CCBE1: variants seen among roughly 807,000 people sequenced by gnomAD.
CCBE1 encodes collagen and calcium-binding EGF domain-containing protein 1.
In CCBE1, 37 loss-of-function variants were observed where a neutral mutation model predicts 50.0. The ratio of observed to expected loss-of-function variants is 0.74; its 90% CI spans 0.57 to 0.97. The LOEUF (loss-of-function observed/expected upper bound fraction) is 0.97. Ranked by LOEUF, CCBE1 falls within the 50% of genes least tolerant of loss-of-function variation. CCBE1 has a pLI of 0.00. For missense variants in CCBE1, 538 were observed against 523.8 expected (o/e 1.03, Z -0.26); for synonymous variants, 234 against 203.7 (o/e 1.15, Z -1.27).
chr18:59,590,735 A>G (rs1599041067), intron 2 of CCBE1, among the ~76,000 whole-genome samples: 4 of 152,246 alleles, frequency 2.6e-5, no homozygotes, highest in African/African-American at 9.6e-5. Flanking sequence ...AATTTTGTAT[A>G]TGAAACATGG....
chr18:59,436,120 A>G lies in CCBE1; in HGVS notation c.1009T>C (p.Phe337Leu). The G allele has an allele frequency of 5.0e-6, 8 of 1,614,216 alleles. No individual in the cohort carries two copies. Among genetic ancestry groups the G allele is most frequent in the Non-Finnish European group, 5.9e-6 (7 of 1,180,042 alleles). ...ATGTCAGCCAGCATAAGTAGCAGGAAGTCGAAAGAACCAGGGGGTCCCTGT... is the reference window on the plus strand; with the variant it reads ...ATGTCAGCCAGCATAAGTAGCAGGAGGTCGAAAGAACCAGGGGGTCCCTGT... ...GSPGPPGSFD[F>L]LLLMLADIRN... Residue 337 changes from phenylalanine (F) to leucine (L), a missense_variant, in exon 11 of 11, where the codon TTC (phenylalanine) becomes CTC (leucine). Physicochemically the swap from Phe to Leu is conservative, Grantham distance 22 (BLOSUM62 0). Transcript: ENST00000439986.
Position 59,462,936 on chromosome 18 carries a change from T to C in CCBE1, c.553+3803A>G, listed in dbSNP as rs74528035. ...TACTAGAGAAGATACCAAAAAACAA[T>C]GTAAAATAGATCCTCTAATATTACT... On this transcript the variant is annotated intron_variant, in intron 5 of 10. Transcript: ENST00000439986. 3.9e-5 allele frequency among the ~76,000 whole-genome samples: 6 copies of C among 152,342 alleles called. No homozygotes were observed. In the East Asian group the frequency reaches 1.2e-3, roughly 29 times the overall value.
intron 2 of CCBE1, among the ~76,000 whole-genome samples, chr18:59,657,889 A>AAACAACAAC (rs142001390): frequency 6.8e-6 from 1 of 146,230 alleles, no homozygotes; most frequent in Non-Finnish European, 1.5e-5. Flanking sequence ...AAACAACAAC[A>AAACAACAAC]AACAACAACA....
chr18:59,579,211 A>T (rs1301977855), intron 2 of CCBE1, among the ~76,000 whole-genome samples: 1 of 152,156 alleles, frequency 6.6e-6, no homozygotes, highest in Non-Finnish European at 1.5e-5. Context: ...TGATAAATGC[A>T]CCTGTTTGCC....
intron 2 of CCBE1, among the ~76,000 whole-genome samples, chr18:59,687,968 ATTC>A (rs2054679666): frequency 6.6e-6 from 1 of 152,124 alleles, no homozygotes; most frequent in Non-Finnish European, 1.5e-5. Flanking sequence ...AAAAAAAGAA[ATTC>A]TTAAGTTTAA....
intron 2 of CCBE1, among the ~76,000 whole-genome samples, chr18:59,663,169 G>A (rs1402604684): frequency 6.6e-6 from 1 of 152,224 alleles, no homozygotes; most frequent in Non-Finnish European, 1.5e-5. Flanking sequence ...CAATTGCTGA[G>A]AGAAGAAGAT....
intron 2 of CCBE1, among the ~76,000 whole-genome samples, chr18:59,650,260 C>A (rs1482742711): frequency 1.3e-5 from 2 of 151,078 alleles, no homozygotes; most frequent in African/African-American, 2.4e-5. Context: ...ATTGTCCACC[C>A]CTGCCCAGAT....
At chr18:59,448,151 A>C (rs953024929) in intron 6 of CCBE1, 48 bp from the exon 7 acceptor site, 2 of 1,610,340 alleles carry the variant, frequency 1.2e-6, no homozygotes, top group African/African-American at 2.7e-5. Context: ...GGCAGAAGAG[A>C]GCCTCGGCAT....
At position 59,675,346 on chromosome 18, in the gene CCBE1, A is replaced by T. The variant is rs182036717; in HGVS notation, c.212+21283T>A. Among the ~76,000 whole-genome samples, 259 of 152,218 alleles carry T rather than the reference A, an allele frequency of 1.7e-3. 1 individual carries two copies. The highest frequency in any genetic ancestry group is 2.4e-3 in the Non-Finnish European group (164 of 68,042). ...TTCTATAATCATCTATAATATTGGT[A>T]TGATTGGTATGGTCAATAATTGGTT... On this transcript the variant is annotated intron_variant, in intron 2 of 10. Coordinates refer to ENST00000439986, the MANE Select transcript of CCBE1 (RefSeq NM_133459.4).
rs1367159419 is a variant in CCBE1, at chr18:59,655,776, T to G, written c.212+40853A>C. 4.6e-5 allele frequency among the ~76,000 whole-genome samples: 7 copies of G among 152,198 alleles called. 1 individual carries two copies. The highest frequency in any genetic ancestry group is 5.9e-5 in the Non-Finnish European group (4 of 68,028). On this transcript the variant is annotated intron_variant, in intron 2 of 10. Transcript: ENST00000439986. ...CGGAGGGCCCACTGACAACAGCTGC[T>G]GGCCAAAGCCCATCTGCACATGAAG...
intron 2 of CCBE1, among the ~76,000 whole-genome samples, chr18:59,522,018 T>C (rs1914620681): frequency 6.6e-6 from 1 of 152,242 alleles, no homozygotes; most frequent in South Asian, 2.1e-4. Flanking sequence ...ATTTTATTCC[T>C]TGCTTTAATT....
chr18:59,577,201 G>A (rs915565280), intron 2 of CCBE1, among the ~76,000 whole-genome samples: 2 of 152,334 alleles, frequency 1.3e-5, no homozygotes, highest in African/African-American at 4.8e-5. Context: ...AAAAGGCTGA[G>A]CATTGAACAT....
At chr18:59,441,917 G>A (rs886068967) in intron 7 of CCBE1, among the ~76,000 whole-genome samples, 1 of 152,162 alleles carries the variant, frequency 6.6e-6, no homozygotes, top group African/African-American at 2.4e-5. Context: ...AAACCCTACA[G>A]TGGCTCCCCT....
At chr18:59,686,429 G>A (rs1290714159) in intron 2 of CCBE1, among the ~76,000 whole-genome samples, 1 of 152,206 alleles carries the variant, frequency 6.6e-6, no homozygotes, top group African/African-American at 2.4e-5. Flanking sequence ...CAGACTGCCT[G>A]GCTTTGAAGC....
chr18:59,545,782 C>G (rs1292943139), intron 2 of CCBE1, among the ~76,000 whole-genome samples: 2 of 152,130 alleles, frequency 1.3e-5, no homozygotes, highest in Non-Finnish European at 2.9e-5. Flanking sequence ...ACGGTTTTAT[C>G]AGGGGGTTCC....
intron 2 of CCBE1, among the ~76,000 whole-genome samples, chr18:59,543,849 A>C (rs1271799877): frequency 2.7e-5 from 4 of 149,574 alleles, no homozygotes; most frequent in Non-Finnish European, 4.4e-5. Flanking sequence ...AAAAAAAAAA[A>C]AAAAAAAAAC....
At chr18:59,689,296 A>C (rs2054698876) in intron 2 of CCBE1, among the ~76,000 whole-genome samples, 1 of 152,240 alleles carries the variant, frequency 6.6e-6, no homozygotes, top group Non-Finnish European at 1.5e-5. Flanking sequence ...AGATGAGGCA[A>C]ATAGAATGTC....
intron 10 of CCBE1, among the ~76,000 whole-genome samples, chr18:59,437,571 C>T (rs1282408223): frequency 1.3e-5 from 2 of 152,216 alleles, no homozygotes; most frequent in Non-Finnish European, 1.5e-5. Flanking sequence ...GAAGCAGTGA[C>T]GTGGTTTGAA....
In CCBE1 at chr18:59,641,907, C is replaced by T. The variant is rs938702438; in HGVS notation, c.212+54722G>A. On this transcript the variant is annotated intron_variant, in intron 2 of 10. Transcript: ENST00000439986. ...CTGCCTTCCCATAAGGGGAAGAAAA[C>T]GCAGCTGGATTCCTGTCTCATACTT... Among the ~76,000 whole-genome samples, 6 of 152,152 alleles carry T rather than the reference C, an allele frequency of 3.9e-5. No individual in the cohort carries two copies. The East Asian group carries it at 7.7e-4, about 20-fold the overall frequency.
Sources: gnomAD v4.1 joint callset for allele counts (sites outside exome capture counted in the v4.1 genomes callset) on GRCh38, gnomAD v4.1.1 for gene constraint, MANE v1.5 for transcripts, NCBI Gene and HGNC (gene_info 2026-07-23, HGNC 2026-07-21) for gene names.